The following PHACTR1 variants were observed in gnomAD, a reference collection of about 807,000 sequenced individuals.
The protein encoded by PHACTR1 is RPEL repeat containing 1.
A neutral mutation model predicts 69.2 loss-of-function variants in PHACTR1; 16 were observed. That is an observed-to-expected ratio of 0.23 (90% confidence interval 0.16 to 0.35). PHACTR1 has a LOEUF of 0.35. PHACTR1 is among the 10% of genes least tolerant of loss of function. The pLI is 1.00. For synonymous variants in PHACTR1, 312 were observed against 284.5 expected (o/e 1.10, Z -0.97); for missense variants, 510 against 734.7 (o/e 0.69, Z 3.54).
intron 5 of PHACTR1, among the ~76,000 whole-genome samples, chr6:13,135,006 A>G (rs1001828725): frequency 1.3e-5 from 2 of 152,140 alleles, no homozygotes; most frequent in African/African-American, 4.8e-5. Context: ...AAAATGAAAT[A>G]TGAAGAAAAT....
intron 5 of PHACTR1, among the ~76,000 whole-genome samples, chr6:13,124,977 T>G (rs902435723): frequency 6.6e-6 from 1 of 152,222 alleles, no homozygotes; most frequent in Non-Finnish European, 1.5e-5. Flanking sequence ...AAAGATGTCC[T>G]GGTAGGGTGT....
chr6:13,089,378 C>T (rs557731970), intron 5 of PHACTR1, among the ~76,000 whole-genome samples: 1 of 152,216 alleles, frequency 6.6e-6, no homozygotes, highest in South Asian at 2.1e-4. Flanking sequence ...CCAGACATCT[C>T]ACTTTGTATA....
intron 4 of PHACTR1, among the ~76,000 whole-genome samples, chr6:12,778,603 A>G (rs976874201): frequency 6.6e-6 from 1 of 152,242 alleles, no homozygotes; most frequent in Non-Finnish European, 1.5e-5. Context: ...TCATAAAGGT[A>G]TTATAAATCA....
rs552882447 is a variant in PHACTR1, at chr6:13,183,499, C to T, written c.664+813C>T. Among the ~76,000 whole-genome samples, 7 of 152,266 alleles carry T rather than the reference C, an allele frequency of 4.6e-5. No individual in the cohort carries two copies. The South Asian group carries it at 1.2e-3, about 27-fold the overall frequency. On this transcript the variant is annotated intron_variant, in intron 7 of 14. Coordinates refer to ENST00000332995, the MANE Select transcript of PHACTR1 (RefSeq NM_030948.6). ...AATTCCCATGCTTCGTTATGGGACC[C>T]GGTGAGTCATTGCTCCATCACTGTG...
chr6:13,202,094 T>C (rs958065539), intron 7 of PHACTR1, among the ~76,000 whole-genome samples: 2 of 152,250 alleles, frequency 1.3e-5, no homozygotes, highest in African/African-American at 2.4e-5. Context: ...ATGCCTTTCC[T>C]GGAACAGTAA....
intron 10 of PHACTR1, among the ~76,000 whole-genome samples, chr6:13,235,096 G>A (rs1771790205): frequency 6.6e-6 from 1 of 152,158 alleles, no homozygotes; most frequent in African/African-American, 2.4e-5. Flanking sequence ...TCGTATTGAT[G>A]AAGTTCTCTT....
intron 5 of PHACTR1, among the ~76,000 whole-genome samples, chr6:13,113,427 A>G (rs1817344854): frequency 6.6e-6 from 1 of 152,222 alleles, no homozygotes; most frequent in Admixed American, 6.5e-5. Flanking sequence ...TTCCAGAGAA[A>G]GGAAAAGCAA....
chr6:12,736,666 T>A (rs1397502999), intron 3 of PHACTR1, among the ~76,000 whole-genome samples: 2 of 152,142 alleles, frequency 1.3e-5, no homozygotes, highest in Non-Finnish European at 2.9e-5. Context: ...CTCTCCTAAA[T>A]AGAAAAGAAT....
intron 4 of PHACTR1, among the ~76,000 whole-genome samples, chr6:12,991,572 C>A (rs1796823120): frequency 6.6e-6 from 1 of 152,280 alleles, no homozygotes; most frequent in East Asian, 1.9e-4. Flanking sequence ...TCACAAAGTC[C>A]TGTCCTACAT....
At chr6:12,924,658 C>T (rs1042905772) in intron 4 of PHACTR1, among the ~76,000 whole-genome samples, 1 of 151,580 alleles carries the variant, frequency 6.6e-6, no homozygotes, top group African/African-American at 2.4e-5. Flanking sequence ...ACCTGTAGTC[C>T]CAGCTACTCG....
At chr6:13,092,998 C>G (rs1813538839) in intron 5 of PHACTR1, among the ~76,000 whole-genome samples, 1 of 152,146 alleles carries the variant, frequency 6.6e-6, no homozygotes, top group South Asian at 2.1e-4. Context: ...TTACAACAGA[C>G]CCACAGGCCT....
chr6:13,068,884 A>G (rs924896592), intron 5 of PHACTR1, among the ~76,000 whole-genome samples: 1 of 152,146 alleles, frequency 6.6e-6, no homozygotes, highest in African/African-American at 2.4e-5. Context: ...CGAAAATAGA[A>G]GGTACTAAAT....
intron 4 of PHACTR1, among the ~76,000 whole-genome samples, chr6:12,955,223 G>T (rs1791757374): frequency 2.3e-5 from 2 of 85,810 alleles, no homozygotes; most frequent in African/African-American, 9.3e-5. Context: ...GAGAGAGATA[G>T]CATCTTGCTT....
chr6:13,162,481 T>C (rs1291620110), intron 6 of PHACTR1, among the ~76,000 whole-genome samples: 1 of 151,984 alleles, frequency 6.6e-6, no homozygotes, highest in Non-Finnish European at 1.5e-5. Context: ...CCTTTCCCCA[T>C]ATTCACCCCC....
intron 12 of PHACTR1, among the ~76,000 whole-genome samples, chr6:13,282,665 C>G (rs776739876): frequency 1.3e-5 from 2 of 152,294 alleles, no homozygotes; most frequent in Middle Eastern, 3.4e-3. Flanking sequence ...TTTGCACATA[C>G]GCTTTTTTGC....
At chr6:12,839,309 A>G (rs1206959289) in intron 4 of PHACTR1, among the ~76,000 whole-genome samples, 1 of 152,214 alleles carries the variant, frequency 6.6e-6, no homozygotes, top group Admixed American at 6.5e-5. Flanking sequence ...GAATGGTGTC[A>G]GCCCTTGCTC....
At chr6:12,909,409 T>C (rs1425064915) in intron 4 of PHACTR1, among the ~76,000 whole-genome samples, 2 of 152,250 alleles carry the variant, frequency 1.3e-5, no homozygotes, top group Non-Finnish European at 2.9e-5. Flanking sequence ...AGCTATGGCT[T>C]CCTTTATCTG....
rs1766365339 is a variant in PHACTR1 at position 12,749,892 on chromosome 6, G to T, written c.250+102G>T. On this transcript the variant is annotated intron_variant, in intron 4 of 14. Transcript: ENST00000332995. ...CCGGGCGTCCTCCCCGCCGCCCCCC[G>T]CAGTCGGGCGCTCAGCACTCGCGCT... The T allele has an allele frequency of 5.4e-6, 6 of 1,111,052 alleles. No homozygotes were observed. The Admixed American group carries it at 1.5e-4, about 28-fold the overall frequency. 68.8% of individuals were successfully genotyped at this position (1,111,052 alleles called of 1,614,324 possible).
chr6:13,084,782 G>A (rs1263691267), intron 5 of PHACTR1, among the ~76,000 whole-genome samples: 54 of 152,066 alleles, frequency 3.6e-4, no homozygotes, highest in Admixed American at 3.5e-3. Context: ...TATTCTGGAG[G>A]AAGGTGGTGA....
Sources: allele counts gnomAD v4.1 joint callset (sites outside exome capture counted in the v4.1 genomes callset), GRCh38; gene constraint gnomAD v4.1.1; transcripts MANE v1.5; gene names NCBI Gene and HGNC (gene_info 2026-07-23, HGNC 2026-07-21).